NAV2: variants seen among roughly 807,000 people sequenced by gnomAD.
NAV2 encodes the protein neuron navigator 2, also known as helicase, APC down-regulated 1.
In NAV2, 54 loss-of-function variants were observed where a neutral mutation model predicts 223.2. The ratio of observed to expected loss-of-function variants is 0.24; its 90% confidence interval spans 0.19 to 0.30. The LOEUF is 0.30. Among genes scored for constraint, NAV2 ranks in the 10% least tolerant of loss-of-function variants. NAV2 has a pLI of 1.00. For missense variants in NAV2, 2,806 were observed against 3,147.5 expected, an observed-to-expected ratio of 0.89 and a Z score of 2.60; for synonymous variants, 1,279 against 1,239.3, an observed-to-expected ratio of 1.03 and a Z score of -0.67.
intron 1 of NAV2, among the ~76,000 whole-genome samples, chr11:19,691,026 T>C (rs998871451): frequency 6.6e-6 from 1 of 152,218 alleles, no homozygotes; most frequent in Admixed American, 6.5e-5. Flanking sequence ...CTTCTGAAAC[T>C]TTTTTGTACA....
chr11:19,639,545 G>T (rs1351338365), intron 1 of NAV2, among the ~76,000 whole-genome samples: 1 of 152,244 alleles, frequency 6.6e-6, no homozygotes. Flanking sequence ...ATAAGGTTGT[G>T]TGTGGGGAGG....
In NAV2 at chr11:20,048,844, C is replaced by A; in HGVS notation, c.4019C>A (p.Ser1340Tyr). ...ATMTQQGNLD[S>Y]PSGSGVLSSG... ...ATGACTCAGCAAGGTAACCTAGACT[C>A]CCCGTCAGGCAGTGGCGTCCTGAGC... Residue 1340 changes from serine to tyrosine, a missense_variant, in exon 15 of 38, where the codon TCC (serine) becomes TAC (tyrosine). Physicochemically the swap from Ser to Tyr is moderately radical, Grantham distance 144. Around this residue, in one of 4 missense-constraint regions of NAV2, gnomAD observed 742 missense variants for 777.9 expected, o/e 0.95. Coordinates refer to ENST00000349880, the MANE Select transcript of NAV2 (RefSeq NM_145117.5). 6.2e-7 allele frequency: 1 copy of A among 1,614,162 alleles called. No individual in the cohort carries two copies. The highest frequency in any genetic ancestry group is 1.3e-5 in the African/African-American group (1 of 75,052).
intron 1 of NAV2, among the ~76,000 whole-genome samples, chr11:19,589,100 C>T (rs913261372): frequency 5.3e-5 from 8 of 152,290 alleles, no homozygotes; most frequent in Non-Finnish European, 8.8e-5. Context: ...CATTGAATCA[C>T]GGCCCTCAAC....
chr11:19,368,546 C>T (rs12418627), intron 1 of NAV2, among the ~76,000 whole-genome samples: 14 of 152,134 alleles, frequency 9.2e-5, no homozygotes, highest in Admixed American at 9.2e-4. Flanking sequence ...CTAGTAATCC[C>T]AGCCCTTTAT....
intron 6 of NAV2, among the ~76,000 whole-genome samples, chr11:19,930,197 T>TCTCAGGCCTG (rs1565579218): frequency 7.9e-5 from 12 of 152,258 alleles, no homozygotes; most frequent in Admixed American, 7.8e-4. Flanking sequence ...TCATGTGATA[T>TCTCAGGCCTG]AAACCAGGCC....
chr11:19,736,175 C>A (rs2052282418), intron 1 of NAV2, among the ~76,000 whole-genome samples: 1 of 152,202 alleles, frequency 6.6e-6, no homozygotes, highest in African/African-American at 2.4e-5. Flanking sequence ...GCTCCAGACA[C>A]AAACTGGGCA....
chr11:20,058,898 A>T (rs2153617516), intron 19 of NAV2, among the ~76,000 whole-genome samples: 1 of 152,350 alleles, frequency 6.6e-6, no homozygotes, highest in African/African-American at 2.4e-5. Flanking sequence ...AGCTATTGTT[A>T]TAATTGTCAT....
intron 22 of NAV2, among the ~76,000 whole-genome samples, chr11:20,076,919 C>A (rs1306323393): frequency 2.0e-5 from 3 of 152,066 alleles, no homozygotes; most frequent in African/African-American, 7.2e-5. Flanking sequence ...AAGTGGTAAC[C>A]CCCTGGAGGA....
At chr11:19,827,979 G>T (rs1445498429) in intron 1 of NAV2, among the ~76,000 whole-genome samples, 1 of 151,246 alleles carries the variant, frequency 6.6e-6, no homozygotes, top group South Asian at 2.1e-4. Flanking sequence ...AGGGGAGGGT[G>T]GGGAGGGAAT....
chr11:19,927,688 T>TAAAACAAAACAAAAC (rs111622616), intron 6 of NAV2, among the ~76,000 whole-genome samples: 21 of 150,566 alleles, frequency 1.4e-4, no homozygotes, highest in African/African-American at 4.6e-4. Flanking sequence ...CTACATCTTT[T>TAAAACAAAACAAAAC]AAAACAAAAC....
intron 1 of NAV2, among the ~76,000 whole-genome samples, chr11:19,669,746 T>C (rs1367920090): frequency 6.6e-6 from 1 of 152,182 alleles, no homozygotes; most frequent in African/African-American, 2.4e-5. Flanking sequence ...CAGTTCCCTT[T>C]CCTCTTAGTA....
intron 1 of NAV2, among the ~76,000 whole-genome samples, chr11:19,637,563 G>T (rs1330477166): frequency 6.6e-6 from 1 of 152,266 alleles, no homozygotes; most frequent in Non-Finnish European, 1.5e-5. Context: ...CGTTCTGCAG[G>T]CTGTACAGGA....
At chr11:19,778,486 G>A in intron 1 of NAV2, 1 of 293,568 alleles carries the variant, frequency 3.4e-6, no homozygotes, top group Non-Finnish European at 6.8e-6. Context: ...GGTCTTTAAA[G>A]ATGCTACCAA....
chr11:19,753,481 T>C (rs2054000514), intron 1 of NAV2, among the ~76,000 whole-genome samples: 1 of 152,234 alleles, frequency 6.6e-6, no homozygotes, highest in African/African-American at 2.4e-5. Flanking sequence ...AGAATTCCTC[T>C]TCATTGTCTA....
rs570020125 is a variant in NAV2, at chr11:19,952,736, G to A, written c.2645+3656G>A. Among the ~76,000 whole-genome samples the A allele has an allele frequency of 2.0e-5, 3 of 151,898 alleles. No individual in the cohort carries two copies. The East Asian group carries it at 5.8e-4, about 29-fold the overall frequency. ...TTTTGATGCCTCTAGTTCATTTTCT[G>A]TACTGGTGTGTGCATGTGCACCTGT... On this transcript the variant is annotated intron_variant, in intron 10 of 37. Coordinates refer to ENST00000349880, the MANE Select transcript of NAV2 (RefSeq NM_145117.5).
intron 1 of NAV2, among the ~76,000 whole-genome samples, chr11:19,726,257 TA>T (rs2051234627): frequency 6.6e-6 from 1 of 152,208 alleles, no homozygotes; most frequent in Admixed American, 6.5e-5. Context: ...CGTGTCAGAC[TA>T]AAAAAGGAGG....
chr11:19,465,482 A>T (rs1001531125), intron 1 of NAV2, among the ~76,000 whole-genome samples: 1 of 152,276 alleles, frequency 6.6e-6, no homozygotes, highest in African/African-American at 2.4e-5. Flanking sequence ...AAATTTAATT[A>T]GTTCAGAGAA....
intron 1 of NAV2, among the ~76,000 whole-genome samples, chr11:19,599,152 C>T (rs923378117): frequency 3.3e-5 from 5 of 152,158 alleles, no homozygotes; most frequent in Non-Finnish European, 5.9e-5. Flanking sequence ...TCCTCATGCC[C>T]AACTTGTCTT....
intron 1 of NAV2, among the ~76,000 whole-genome samples, chr11:19,790,522 A>G (rs945097020): frequency 2.6e-5 from 4 of 152,240 alleles, no homozygotes; most frequent in African/African-American, 9.6e-5. Context: ...CTTACACAGC[A>G]TAAGGGCTGT....
Sources: gnomAD v4.1 joint callset for allele counts (sites outside exome capture counted in the v4.1 genomes callset) on GRCh38, gnomAD v4.1.1 for gene constraint, gnomAD v4.1.1 regional missense constraint, MANE v1.5 for transcripts, NCBI Gene and HGNC (gene_info 2026-07-23, HGNC 2026-07-21) for gene names.